The following SH2D4A variants were observed in gnomAD, a reference collection of about 807,000 sequenced individuals.
SH2D4A encodes the protein SH2 domain-containing protein 4A.
SH2D4A carries 70 observed loss-of-function variants against 64.7 expected under a neutral mutation model. The ratio of observed to expected loss-of-function variants is 1.08; its 90% CI spans 0.89 to 1.32. SH2D4A has a LOEUF of 1.32. SH2D4A is among the 40% of genes most tolerant of loss of function. SH2D4A has a pLI of 0.00. For synonymous variants in SH2D4A, 268 were observed against 200.7 expected, an observed-to-expected ratio of 1.34 and a Z score of -2.83; for missense variants, 706 against 540.1, an observed-to-expected ratio of 1.31 and a Z score of -3.04.
chr8:19,363,695 G>A (rs776434276), intron 6 of SH2D4A: 21 of 296,482 alleles, frequency 7.1e-5, no homozygotes, highest in Non-Finnish European at 1.4e-4. Context: ...CATGCAGGGC[G>A]TGACAATTGC....
At chr8:19,366,368 T>C (rs1160540515) in intron 7 of SH2D4A, among the ~76,000 whole-genome samples, 2 of 152,202 alleles carry the variant, frequency 1.3e-5, no homozygotes, top group Non-Finnish European at 2.9e-5. Flanking sequence ...TTGACTGTGG[T>C]TACCGTGCTG....
chr8:19,386,609 G>A (rs1283967456), intron 8 of SH2D4A, among the ~76,000 whole-genome samples: 1 of 152,192 alleles, frequency 6.6e-6, no homozygotes, highest in Non-Finnish European at 1.5e-5. Context: ...GAGTCCTGAG[G>A]TTGCCTAGAG....
intron 5 of SH2D4A, among the ~76,000 whole-genome samples, chr8:19,358,029 A>G (rs1033058200): frequency 2.2e-4 from 34 of 152,170 alleles, no homozygotes; most frequent in Non-Finnish European, 1.2e-4. Context: ...ATGAACTTGC[A>G]TTTTTAAGAC....
chr8:19,363,572 G>A lies in SH2D4A; in HGVS notation c.707-500G>A, dbSNP rs113207715. On this transcript the variant is annotated intron_variant, in intron 6 of 9. Transcript: ENST00000265807. Reference sequence around the variant, plus strand: ...ATCCCTTTAATTTTTTGTCTGTCAGGTTGCTTCTCATTCTGTCCTGCTCTC... The same window carrying A: ...ATCCCTTTAATTTTTTGTCTGTCAGATTGCTTCTCATTCTGTCCTGCTCTC... Among the ~76,000 whole-genome samples the A allele has an allele frequency of 7.0e-3, 1,071 of 152,110 alleles. 12 individuals carry two copies. Among genetic ancestry groups the A allele is most frequent in the African/African-American group, 0.024 (1,009 of 41,480 alleles).
At chr8:19,339,495 C>CTTTTTTTTTTTTTTTTTTT (rs5889867) in intron 4 of SH2D4A, among the ~76,000 whole-genome samples, 1 of 129,026 alleles carries the variant, frequency 7.8e-6, no homozygotes, top group Non-Finnish European at 1.6e-5. Flanking sequence ...TATAAACTTT[C>CTTTTTTTTTTTTTTTTTTT]TTTTTTTTTT....
At chr8:19,360,754 G>A (rs993841065) in intron 5 of SH2D4A, 7 of 152,318 alleles carry the variant, frequency 4.6e-5, no homozygotes, top group Non-Finnish European at 8.8e-5. Flanking sequence ...GAGTCTGTCA[G>A]CTACTGTAAA....
At position 19,386,260 on chromosome 8, in the gene SH2D4A, A is replaced by T. The variant is rs143652798; in HGVS notation, c.1049-7058A>T. Among the ~76,000 whole-genome samples the T allele has an allele frequency of 6.1e-3, 933 of 152,376 alleles. 5 individuals are homozygous for T. The highest frequency in any genetic ancestry group is 0.022 in the African/African-American group (898 of 41,588). ...GTTCAGATTGTAAAGCAGCTGGAGA[A>T]GATGAAACAAAGAGGCTAAAACTAC... On this transcript the variant is annotated intron_variant, in intron 8 of 9. Coordinates refer to ENST00000265807, the MANE Select transcript of SH2D4A (RefSeq NM_022071.4).
At chr8:19,315,403 T>C (rs190658702) in intron 1 of SH2D4A, among the ~76,000 whole-genome samples, 1 of 152,240 alleles carries the variant, frequency 6.6e-6, no homozygotes, top group Non-Finnish European at 1.5e-5. Flanking sequence ...CCCAAAGTGT[T>C]GGGATTACAT....
At position 19,313,770 on chromosome 8, in the gene SH2D4A, C is replaced by A. The variant is rs1452482482; in HGVS notation, c.-258C>A. On this transcript the variant is annotated 5_prime_UTR_variant, in exon 1 of 10. Transcript: ENST00000265807. ...TCCCTTCCCCGACGGCTTCTGGCGG[C>A]CAAGTGGATGTGGCGGGTGATCGAG... The A allele has an allele frequency of 1.3e-6, 2 of 1,513,064 alleles. No individual in the cohort carries two copies. Among genetic ancestry groups the A allele is most frequent in the East Asian group, 5.4e-5 (2 of 37,206 alleles). The allele number at this position is 1,513,064 out of a possible 1,614,324, so 93.7% of individuals were successfully genotyped here. A position where few individuals can be genotyped will look rare whatever the true frequency, so the allele number is the denominator to read the frequency against.
Position 19,361,313 on chromosome 8 carries a change from T to C in SH2D4A, c.705T>C (p.Ser235=). The part of the protein sequence containing the change: ...SWKEDSEWQA[S]LRKSKAADEK... ...AAGAAGACTCGGAATGGCAGGCATC[T>C]CGTGAGTACCCAGAGGTCTCCATAG... Residue 235 remains serine, a splice_region_variant and synonymous_variant, in exon 6 of 10, where the codon TCT becomes TCC. Coordinates refer to ENST00000265807, the MANE Select transcript of SH2D4A (RefSeq NM_022071.4). The C allele has an allele frequency of 6.2e-7, 1 of 1,609,280 alleles. No homozygotes were observed. The highest frequency in any genetic ancestry group is 8.5e-7 in the Non-Finnish European group (1 of 1,178,650).
chr8:19,384,857 C>T (rs2153651574), intron 8 of SH2D4A, among the ~76,000 whole-genome samples: 1 of 152,314 alleles, frequency 6.6e-6, no homozygotes, highest in South Asian at 2.1e-4. Flanking sequence ...CAGTTTATTG[C>T]AGCTCAGAAA....
chr8:19,344,984 G>A (rs1289930947), intron 4 of SH2D4A, among the ~76,000 whole-genome samples: 1 of 152,146 alleles, frequency 6.6e-6, no homozygotes, highest in Non-Finnish European at 1.5e-5. Context: ...GGAATGGTGG[G>A]CCTTCAGTCC....
intron 8 of SH2D4A, among the ~76,000 whole-genome samples, chr8:19,392,843 A>G (rs1251387302): frequency 1.3e-5 from 2 of 151,694 alleles, no homozygotes; most frequent in African/African-American, 2.4e-5. Flanking sequence ...CTGGGTTCAC[A>G]CCATTCTCCT....
intron 2 of SH2D4A, among the ~76,000 whole-genome samples, chr8:19,320,521 G>A (rs1405885586): frequency 6.6e-6 from 1 of 151,570 alleles, no homozygotes; most frequent in Non-Finnish European, 1.5e-5. Flanking sequence ...CTACTTGGGA[G>A]GCTGAGGTGG....
intron 1 of SH2D4A, among the ~76,000 whole-genome samples, chr8:19,314,975 A>G (rs557538892): frequency 2.5e-4 from 38 of 152,328 alleles, no homozygotes; most frequent in African/African-American, 8.9e-4. Flanking sequence ...TTAGAATTCA[A>G]ACTGTATTGT....
At chr8:19,355,528 C>G (rs565433443) in intron 4 of SH2D4A, among the ~76,000 whole-genome samples, 2 of 152,164 alleles carry the variant, frequency 1.3e-5, no homozygotes, top group Non-Finnish European at 2.9e-5. Context: ...AAGGAATAAG[C>G]ATTAGATATC....
chr8:19,372,562 T>C (rs1301514558), intron 7 of SH2D4A, among the ~76,000 whole-genome samples: 3 of 152,216 alleles, frequency 2.0e-5, no homozygotes, highest in Admixed American at 2.0e-4. Context: ...TTGGCTCAGA[T>C]AGACGCTTGT....
At chr8:19,351,618 AAAAAAC>A (rs1007625241) in intron 4 of SH2D4A, among the ~76,000 whole-genome samples, 33 of 152,242 alleles carry the variant, frequency 2.2e-4, no homozygotes, top group Middle Eastern at 3.4e-3. Context: ...ACAAAACAAA[AAAAAAC>A]AAAAACAAAA....
At chr8:19,368,620 C>CTTTTTTTTT (rs34764005) in intron 7 of SH2D4A, among the ~76,000 whole-genome samples, 1 of 136,324 alleles carries the variant, frequency 7.3e-6, no homozygotes. Flanking sequence ...AATAAAATTG[C>CTTTTTTTTT]TTTTTTTTTT....
Sources: gnomAD v4.1 joint callset for allele counts (sites outside exome capture counted in the v4.1 genomes callset) on GRCh38, gnomAD v4.1.1 for gene constraint, MANE v1.5 for transcripts, NCBI Gene and HGNC (gene_info 2026-07-23, HGNC 2026-07-21) for gene names.